Variants in MYLK4 observed in about 807,000 individuals in gnomAD.
MYLK4 encodes myosin light chain kinase family member 4, also known as caMLCK like.
A neutral mutation model predicts 48.1 loss-of-function variants in MYLK4; 46 were observed. The ratio of observed to expected loss-of-function variants is 0.96; its 90% CI spans 0.75 to 1.22. The LOEUF (loss-of-function observed/expected upper bound fraction) is 1.22, where lower values mean the gene tolerates loss of function less well. Among genes scored for constraint, MYLK4 ranks in the 50% most tolerant of loss-of-function variants. The pLI is 0.00. For missense variants in MYLK4, 451 were observed against 486.1 expected, an observed-to-expected ratio of 0.93 and a Z score of 0.68; for synonymous variants, 170 against 180.8, an observed-to-expected ratio of 0.94 and a Z score of 0.48.
chr6:2,683,372 A>C (rs1021924171), intron 6 of MYLK4, among the ~76,000 whole-genome samples: 2 of 144,080 alleles, frequency 1.4e-5, no homozygotes, highest in African/African-American at 5.1e-5. Flanking sequence ...GGAAATCCTC[A>C]AGCCAACTCC....
intron 2 of MYLK4, among the ~76,000 whole-genome samples, chr6:2,706,671 A>G (rs1000865450): frequency 6.6e-6 from 1 of 152,192 alleles, no homozygotes; most frequent in African/African-American, 2.4e-5. Context: ...CTTGATTGGC[A>G]GAGGGCCCCA....
chr6:2,766,184 C>A, the MYLK4 span: 4 of 1,382,700 alleles, frequency 2.9e-6, no homozygotes, highest in Non-Finnish European at 3.7e-6. Context: ...CGACCCGGGG[C>A]ACTGGGACGC....
chr6:2,744,829 T>C (rs536617761), intron 2 of MYLK4, among the ~76,000 whole-genome samples: 2 of 152,298 alleles, frequency 1.3e-5, no homozygotes, highest in South Asian at 4.1e-4. Context: ...AAAAAGGAAT[T>C]ATTCCCTATG....
chr6:2,745,230 C>T (rs1336642808), intron 2 of MYLK4, among the ~76,000 whole-genome samples: 2 of 152,038 alleles, frequency 1.3e-5, no homozygotes, highest in Admixed American at 6.5e-5. Context: ...GACAGAGATC[C>T]TACTAAATAT....
In MYLK4 at chr6:2,680,394, T is replaced by G; in HGVS notation, c.688-103A>C. 3 of 1,581,704 alleles carry G rather than the reference T, an allele frequency of 1.9e-6. No individual in the cohort carries two copies. The South Asian group carries it at 3.4e-5, about 18-fold the overall frequency. On this transcript the variant is annotated intron_variant, in intron 7 of 12. Coordinates refer to ENST00000274643, the MANE Select transcript of MYLK4 (RefSeq NM_001012418.5). ...TACAACGATGCTCAGAAAAAACATATCAGGCCTTTCACTTCGGGGCGGGCT... is the reference window on the plus strand; with the variant it reads ...TACAACGATGCTCAGAAAAAACATAGCAGGCCTTTCACTTCGGGGCGGGCT...
chr6:2,683,659 T>C (rs966338585), intron 6 of MYLK4, among the ~76,000 whole-genome samples: 1 of 152,150 alleles, frequency 6.6e-6, no homozygotes, highest in African/African-American at 2.4e-5. Flanking sequence ...CCCCAAGTGA[T>C]CCACCAGCCT....
chr6:2,711,921 A>G (rs17135572), intron 2 of MYLK4, among the ~76,000 whole-genome samples: 5,044 of 152,310 alleles, frequency 0.033, 216 homozygotes, highest in East Asian at 0.24. Context: ...TCCAACCATG[A>G]TATCCTTGAC....
chr6:2,764,954 TCCC>T, the MYLK4 span, among the ~76,000 whole-genome samples: 1 of 152,128 alleles, frequency 6.6e-6, no homozygotes. Flanking sequence ...TTGGGTTTTT[TCCC>T]CCATTTCCCT....
intron 3 of MYLK4, among the ~76,000 whole-genome samples, chr6:2,690,383 T>A (rs1412611548): frequency 1.3e-5 from 2 of 152,172 alleles, no homozygotes; most frequent in Admixed American, 1.3e-4. Flanking sequence ...AGAAAATGGA[T>A]CCTACTGCTG....
chr6:2,753,904 T>C (rs559651264), upstream of MYLK4, among the ~76,000 whole-genome samples: 26 of 151,524 alleles, frequency 1.7e-4, no homozygotes, highest in Middle Eastern at 0.01. Flanking sequence ...CTCACACCTG[T>C]AATCCTAGCA....
intron 2 of MYLK4, 106 bp downstream of exon 2, chr6:2,749,030 C>T: frequency 3.1e-6 from 3 of 971,400 alleles, no homozygotes; most frequent in Middle Eastern, 2.6e-4. Context: ...TGGAATGATG[C>T]CTATTCATAA....
chr6:2,707,004 A>G (rs1384468735), intron 2 of MYLK4, among the ~76,000 whole-genome samples: 1 of 152,188 alleles, frequency 6.6e-6, no homozygotes, highest in Non-Finnish European at 1.5e-5. Flanking sequence ...GTGCTTAATG[A>G]ACTTTTTCTT....
At chr6:2,765,493 C>T in the MYLK4 span, 5 of 1,184,670 alleles carry the variant, frequency 4.2e-6, no homozygotes, top group Non-Finnish European at 5.3e-6. Flanking sequence ...CCTCCTCCGG[C>T]CCGCGAGCGT....
At position 2,674,943 on chromosome 6, in the gene MYLK4, A is replaced by T. The variant is rs79213472; in HGVS notation, c.1119+104T>A. The stretch of plus-strand genomic sequence containing the variant: ...ACAAGATTTGCAGTCTGTGAGAAAA[A>T]GAATGAGAAAGAATCTTATTTAAGG... On this transcript the variant is annotated intron_variant, in intron 11 of 12. Coordinates refer to ENST00000274643, the MANE Select transcript of MYLK4 (RefSeq NM_001012418.5). 66 of 833,688 alleles carry T rather than the reference A, an allele frequency of 7.9e-5. No individual in the cohort carries two copies. The East Asian group carries it at 9.1e-4, about 12-fold the overall frequency. 51.6% of individuals were successfully genotyped at this position (833,688 alleles called of 1,614,324 possible). A position where few individuals can be genotyped will look rare whatever the true frequency, so the allele number is the denominator to read the frequency against.
chr6:2,699,341 G>C (rs974040821), intron 2 of MYLK4, among the ~76,000 whole-genome samples: 3 of 118,180 alleles, frequency 2.5e-5, no homozygotes, highest in Non-Finnish European at 4.8e-5. Flanking sequence ...GCCCAGGCTG[G>C]AGTGCAGTGG....
At chr6:2,695,454 T>C (rs1436007491) in intron 2 of MYLK4, among the ~76,000 whole-genome samples, 3 of 152,218 alleles carry the variant, frequency 2.0e-5, no homozygotes, top group African/African-American at 7.2e-5. Flanking sequence ...GCTAACCCAA[T>C]ATTCTTTGGG....
intron 2 of MYLK4, among the ~76,000 whole-genome samples, chr6:2,721,811 A>G (rs11760014): frequency 0.19 from 29,108 of 152,230 alleles, 3,017 homozygotes; most frequent in African/African-American, 0.25. Context: ...TAGGCCACAC[A>G]CAAAAGATCA....
chr6:2,732,111 C>A (rs1763498401), intron 2 of MYLK4, among the ~76,000 whole-genome samples: 2 of 152,220 alleles, frequency 1.3e-5, no homozygotes, highest in African/African-American at 4.8e-5. Context: ...GTATGCTGGC[C>A]TTTGGCCAGC....
intron 3 of MYLK4, among the ~76,000 whole-genome samples, chr6:2,690,823 C>CTTTTTTT (rs35133716): frequency 0.017 from 1,489 of 88,878 alleles, 161 homozygotes; most frequent in African/African-American, 0.049. Context: ...CTCTCTGAAT[C>CTTTTTTT]TTTTTTTTTT....
Sources: allele counts gnomAD v4.1 joint callset (sites outside exome capture counted in the v4.1 genomes callset), GRCh38; gene constraint gnomAD v4.1.1; transcripts MANE v1.5; gene names NCBI Gene and HGNC (gene_info 2026-07-23, HGNC 2026-07-21).